The following TAPBPL variants were observed in gnomAD, a reference collection of about 807,000 sequenced individuals.
The protein encoded by TAPBPL is tapasin-related protein.
TAPBPL carries 32 observed loss-of-function variants against 44.8 expected under a neutral mutation model. The ratio of observed to expected loss-of-function variants is 0.71; its 90% CI spans 0.54 to 0.96. The LOEUF is 0.96. TAPBPL is among the 40% of genes least tolerant of loss of function. The probability of loss-of-function intolerance (pLI) is 0.00; values close to 1 mark genes in which losing one functional copy is unlikely to be tolerated. For synonymous variants in TAPBPL, 230 were observed against 240.7 expected, an observed-to-expected ratio of 0.96 and a Z score of 0.41; for missense variants, 520 against 586.6, an observed-to-expected ratio of 0.89 and a Z score of 1.17.
In TAPBPL at chr12:6,457,680, C is replaced by T. The variant is rs780033985; in HGVS notation, c.840C>T (p.Thr280=). 3 of 1,612,920 alleles carry T rather than the reference C, an allele frequency of 1.9e-6. No individual in the cohort carries two copies. The African/African-American group carries it at 4.0e-5, about 22-fold the overall frequency. The part of the protein sequence containing the change: ...LPGLTIQDEG[T]YICQITTSLY... ...GCCTCACTATACAGGACGAGGGGAC[C>T]TACATTTGCCAGATCACCACCTCTC... Residue 280 remains threonine, a synonymous_variant, in exon 4 of 7, where the codon ACC becomes ACT. Coordinates refer to ENST00000266556, the MANE Select transcript of TAPBPL (RefSeq NM_018009.5).
At chr12:6,460,071 G>C (rs186711137) in intron 5 of TAPBPL, among the ~76,000 whole-genome samples, 54 of 152,034 alleles carry the variant, frequency 3.6e-4, no homozygotes, top group African/African-American at 9.4e-4. Flanking sequence ...CACCCTGCCT[G>C]TCGAGAGGTT....
chr12:6,455,611 A>AT (rs1949683815), intron 3 of TAPBPL, among the ~76,000 whole-genome samples: 1 of 152,140 alleles, frequency 6.6e-6, no homozygotes, highest in East Asian at 1.9e-4. Flanking sequence ...ACTTTTAGAT[A>AT]TTTTTTAATT....
At chr12:6,465,452 A>AG (rs1565526391), downstream of TAPBPL, 341 of 131,740 alleles carry the variant, frequency 2.6e-3, 13 homozygotes, top group African/African-American at 0.012. Context: ...GTATATATAC[A>AG]TATGTGTATA....
At chr12:6,463,821 C>G (rs1372067146), downstream of TAPBPL, 1 of 1,215,270 alleles carries the variant, frequency 8.2e-7, no homozygotes, top group African/African-American at 1.6e-5. This position sits in a 1 kb window ranked among gnomAD's most constrained non-coding sequence, Gnocchi z 4.0. Flanking sequence ...TAAGTGTTCT[C>G]CAGGCCTCTG....
chr12:6,470,627 A>T (rs963558508), downstream of TAPBPL: 11 of 1,544,116 alleles, frequency 7.1e-6, no homozygotes, highest in East Asian at 2.3e-4. Context: ...GGAACTGCCA[A>T]GCTCCGCCTC....
chr12:6,467,718 G>A (rs904844783), downstream of TAPBPL, among the ~76,000 whole-genome samples: 2 of 152,226 alleles, frequency 1.3e-5, no homozygotes, highest in African/African-American at 4.8e-5. Flanking sequence ...TCACAGGCCT[G>A]GAGGCCCAGG....
downstream of TAPBPL, chr12:6,464,993 A>C: frequency 1.9e-6 from 3 of 1,609,752 alleles, no homozygotes; most frequent in Non-Finnish European, 1.7e-6. Context: ...AATGAGGAAA[A>C]GAGCCACATC....
At position 6,455,220 on chromosome 12, in the gene TAPBPL, G is replaced by GT. The variant is rs555997061; in HGVS notation, c.565+1505dup. On this transcript the variant is annotated intron_variant, in intron 3 of 6. Coordinates refer to ENST00000266556, the MANE Select transcript of TAPBPL (RefSeq NM_018009.5). ...GTGTGTATTTTCCTCTGAACTGAGA[G>GT]TAAGTTGCAGAAGATAACACTTGAA... Among the ~76,000 whole-genome samples the GT allele has an allele frequency of 9.9e-5, 15 of 152,252 alleles. No homozygotes were observed. The South Asian group carries it at 2.9e-3, about 29-fold the overall frequency.
At chr12:6,463,325 C>T, downstream of TAPBPL, 2 of 1,185,418 alleles carry the variant, frequency 1.7e-6, no homozygotes, top group Non-Finnish European at 2.1e-6. The surrounding 1 kb of genome is among the most constrained non-coding windows in gnomAD (Gnocchi z 4.0). Flanking sequence ...ACGCCTCCCC[C>T]CAAGGTGGGG....
At chr12:6,462,581 G>A (rs891729369), downstream of TAPBPL, 2 of 577,650 alleles carry the variant, frequency 3.5e-6, no homozygotes, top group Non-Finnish European at 6.1e-6. Flanking sequence ...AAGTAGAAGG[G>A]CTAATACCCC....
intron 3 of TAPBPL, among the ~76,000 whole-genome samples, chr12:6,455,319 A>G (rs138023469): frequency 1.5e-4 from 23 of 152,354 alleles, no homozygotes; most frequent in African/African-American, 5.5e-4. Flanking sequence ...TTAGTTTACA[A>G]TGAAGGACAA....
At chr12:6,470,904 C>T (rs938516370), downstream of TAPBPL, 18 of 308,712 alleles carry the variant, frequency 5.8e-5, no homozygotes, top group African/African-American at 3.6e-4. Flanking sequence ...GTTTGCGCTC[C>T]AGTCTGGCGG....
downstream of TAPBPL, among the ~76,000 whole-genome samples, chr12:6,468,756 A>G (rs537195298): frequency 3.9e-5 from 6 of 152,220 alleles, no homozygotes; most frequent in Non-Finnish European, 8.8e-5. Flanking sequence ...ATGGAGGCTA[A>G]ACTCACCTCC....
downstream of TAPBPL, chr12:6,471,088 G>A (rs1203922137): frequency 6.4e-6 from 1 of 156,960 alleles, no homozygotes; most frequent in Non-Finnish European, 1.4e-5. This position sits in a 1 kb window ranked among gnomAD's most constrained non-coding sequence, Gnocchi z 4.0. Context: ...CGGCTTCCTG[G>A]TGCGCGCCCA....
chr12:6,463,646 C>G, downstream of TAPBPL: 1 of 1,081,474 alleles, frequency 9.2e-7, no homozygotes, highest in Non-Finnish European at 1.1e-6. This position sits in a 1 kb window ranked among gnomAD's most constrained non-coding sequence, Gnocchi z 4.0. Flanking sequence ...TAACTGGGAG[C>G]TAGGTTAAAT....
At chr12:6,462,969 C>T, downstream of TAPBPL, 4 of 1,552,442 alleles carry the variant, frequency 2.6e-6, no homozygotes, top group South Asian at 1.2e-5. Flanking sequence ...TCAGCCTCTT[C>T]CTGTTCGTGG....
Position 6,452,233 on chromosome 12 carries a change from C to T in TAPBPL, c.-16C>T. The T allele has an allele frequency of 6.4e-7, 1 of 1,567,160 alleles. No homozygotes were observed. The highest frequency in any genetic ancestry group is 8.7e-7 in the Non-Finnish European group (1 of 1,156,006). ...AGAAGGGCGGTGGGCAAGGAGGGAA[C>T]TCGAGAGCAGCCTCCATGGGCACAC... is the stretch of plus-strand genomic sequence containing the variant. On this transcript the variant is annotated 5_prime_UTR_variant, in exon 1 of 7. Transcript: ENST00000266556.
chr12:6,466,552 T>A, downstream of TAPBPL: 1 of 497,834 alleles, frequency 2.0e-6, no homozygotes, highest in South Asian at 2.6e-5. Flanking sequence ...CTCACATGCA[T>A]CCTCACCCCA....
chr12:6,458,179 C>G (rs1222497693), intron 4 of TAPBPL, among the ~76,000 whole-genome samples: 8 of 152,184 alleles, frequency 5.3e-5, no homozygotes, highest in Non-Finnish European at 1.2e-4. Flanking sequence ...AGTTCAAGAC[C>G]AGCCTGGCCA....
Sources: gnomAD v4.1 joint callset for allele counts (sites outside exome capture counted in the v4.1 genomes callset) on GRCh38, gnomAD v4.1.1 for gene constraint, Gnocchi (gnomAD v3.1) non-coding constraint, MANE v1.5 for transcripts, NCBI Gene and HGNC (gene_info 2026-07-23, HGNC 2026-07-21) for gene names.